The following TNS3 variants were observed in gnomAD, a reference collection of about 807,000 sequenced individuals.
TNS3 encodes tensin 3.
A neutral mutation model predicts 140.9 loss-of-function variants in TNS3; 45 were observed. That is an observed-to-expected ratio of 0.32 (90% CI 0.25 to 0.41). The LOEUF (loss-of-function observed/expected upper bound fraction) is 0.41. TNS3 is among the 10% of genes least tolerant of loss of function. The pLI is 1.00. For missense variants in TNS3, 1,716 were observed against 1,906.7 expected (o/e 0.90, Z 1.86); for synonymous variants, 815 against 788.4 (o/e 1.03, Z -0.56).
chr7:47,567,892 G>A (rs1054618990), intron 1 of TNS3, among the ~76,000 whole-genome samples: 1 of 152,132 alleles, frequency 6.6e-6, no homozygotes, highest in Non-Finnish European at 1.5e-5. Flanking sequence ...AGGTAACATC[G>A]ATCAGTAATA....
At chr7:47,448,024 T>G (rs1348557645) in intron 4 of TNS3, among the ~76,000 whole-genome samples, 1 of 152,158 alleles carries the variant, frequency 6.6e-6, no homozygotes, top group Non-Finnish European at 1.5e-5. Flanking sequence ...CTGGGGGCCC[T>G]GGCAGAAGGA....
Position 47,530,838 on chromosome 7 carries a change from AAT to A in TNS3, c.-264-1693_-264-1692del, listed in dbSNP as rs1554350245. On this transcript the variant is annotated intron_variant, in intron 1 of 30. Coordinates refer to ENST00000311160, the MANE Select transcript of TNS3 (RefSeq NM_022748.12). Reference sequence around the variant, plus strand: ...AACTCCATCTCAAAAAAAAAAAAAAAATATATATATATATATATATTTCTAGC... The same window carrying A: ...AACTCCATCTCAAAAAAAAAAAAAAAATATATATATATATATATTTCTAGC... Among the ~76,000 whole-genome samples the A allele has an allele frequency of 2.6e-3, 141 of 54,550 alleles. 6 individuals are homozygous for A. Among genetic ancestry groups the A allele is most frequent in the East Asian group, 0.011 (23 of 2,034 alleles). 35.8% of individuals were successfully genotyped at this position (54,550 alleles called of 152,430 possible).
chr7:47,511,141 A>C (rs769517529), intron 2 of TNS3, among the ~76,000 whole-genome samples: 2 of 152,238 alleles, frequency 1.3e-5, no homozygotes, highest in Admixed American at 6.5e-5. Context: ...TACTGACACA[A>C]TTTCAGATTC....
At chr7:47,328,145 T>C (rs1788129749) in intron 20 of TNS3, among the ~76,000 whole-genome samples, 1 of 151,910 alleles carries the variant, frequency 6.6e-6, no homozygotes, top group African/African-American at 2.4e-5. Context: ...GGGCTCTGTG[T>C]TCCGGCCTGT....
Position 47,359,273 on chromosome 7 carries a change from C to T in TNS3, c.2281+9092G>A, listed in dbSNP as rs1265483790. On this transcript the variant is annotated intron_variant, in intron 17 of 30. Transcript: ENST00000311160. ...TCCGGCTCGAAAACATCACACACCA[C>T]GTCACAGGAGCCAGCCACAAAAAGC... is the stretch of plus-strand genomic sequence containing the variant. 3.9e-5 allele frequency among the ~76,000 whole-genome samples: 6 copies of T among 152,210 alleles called. No individual in the cohort carries two copies. The East Asian group carries it at 1.2e-3, about 29-fold the overall frequency.
At chr7:47,441,754 G>C (rs144193670) in intron 5 of TNS3, among the ~76,000 whole-genome samples, 4 of 152,300 alleles carry the variant, frequency 2.6e-5, no homozygotes, top group African/African-American at 9.6e-5. Flanking sequence ...GCACAATCAG[G>C]CCTCAGCAGT....
At chr7:47,489,609 G>A (rs1302371654) in intron 3 of TNS3, among the ~76,000 whole-genome samples, 2 of 152,226 alleles carry the variant, frequency 1.3e-5, no homozygotes, top group African/African-American at 4.8e-5. Context: ...AGGCAAACAA[G>A]TTACCACTGG....
chr7:47,393,233 A>G (rs768843777), intron 16 of TNS3, among the ~76,000 whole-genome samples: 1 of 152,246 alleles, frequency 6.6e-6, no homozygotes, highest in Non-Finnish European at 1.5e-5. Flanking sequence ...CTTCTTTTTG[A>G]TAATTTACAT....
At chr7:47,542,745 A>G (rs147779448) in intron 1 of TNS3, among the ~76,000 whole-genome samples, 61 of 152,198 alleles carry the variant, frequency 4.0e-4, no homozygotes, top group African/African-American at 1.3e-3. Flanking sequence ...TCTGGCCAAC[A>G]TAGTGAAAAC....
chr7:47,579,502 G>A (rs1225553043), intron 1 of TNS3: 5 of 152,226 alleles, frequency 3.3e-5, no homozygotes, highest in African/African-American at 1.2e-4. Flanking sequence ...GAGGCACTCA[G>A]CAAATGTCTC....
At chr7:47,397,449 T>C (rs1792900546) in intron 15 of TNS3, among the ~76,000 whole-genome samples, 1 of 152,260 alleles carries the variant, frequency 6.6e-6, no homozygotes, top group Non-Finnish European at 1.5e-5. Context: ...ATCTTGGTGA[T>C]GGATCTGGAC....
At chr7:47,294,318 A>G (rs2150632111) in intron 24 of TNS3, among the ~76,000 whole-genome samples, 1 of 152,338 alleles carries the variant, frequency 6.6e-6, no homozygotes, top group African/African-American at 2.4e-5. Flanking sequence ...ACCTTCCAGA[A>G]AGCAAGCACT....
chr7:47,453,835 C>T (rs1035320042), intron 4 of TNS3, among the ~76,000 whole-genome samples: 3 of 152,090 alleles, frequency 2.0e-5, no homozygotes, highest in African/African-American at 7.2e-5. Flanking sequence ...GCACTCAGAG[C>T]TAAGAGGAAG....
chr7:47,575,040 TA>T (rs199568033), intron 1 of TNS3, among the ~76,000 whole-genome samples: 1 of 151,406 alleles, frequency 6.6e-6, no homozygotes. Context: ...TACCAAAGCT[TA>T]AAAAAAAAGA....
At chr7:47,389,782 A>T (rs942487921) in intron 16 of TNS3, among the ~76,000 whole-genome samples, 1 of 152,222 alleles carries the variant, frequency 6.6e-6, no homozygotes, top group African/African-American at 2.4e-5. Context: ...CACGCCTGCA[A>T]GGGGGTCCTT....
chr7:47,437,347 A>G (rs539674913), intron 6 of TNS3, 34 bp from the exon 7 acceptor site: 3 of 1,080,400 alleles, frequency 2.8e-6, no homozygotes, highest in East Asian at 6.1e-5. Flanking sequence ...CTTGCATAAA[A>G]TAGATTTTAA....
rs374356604 is a variant in TNS3, at chr7:47,303,047, G to A, written c.3360C>T (p.Gly1120=). The A allele has an allele frequency of 3.1e-6, 5 of 1,614,216 alleles. No individual in the cohort carries two copies. The highest frequency in any genetic ancestry group is 2.2e-5 in the East Asian group (1 of 44,878). Residue 1120 remains glycine, a synonymous_variant, in exon 22 of 31, where the codon GGC becomes GGT. Coordinates refer to ENST00000311160, the MANE Select transcript of TNS3 (RefSeq NM_022748.12). ...TGCTCCCGCTGTGCGGGCTGGAGAAGCCACTGGAGGAGGGAGAGACTGAGC... is the reference window on the plus strand; with the variant it reads ...TGCTCCCGCTGTGCGGGCTGGAGAAACCACTGGAGGAGGGAGAGACTGAGC... ...SLGSVSPSSS[G]FSSPHSGSTI... is the part of the protein sequence containing the mutation.
At chr7:47,396,597 C>T in intron 16 of TNS3, 1 of 582,536 alleles carries the variant, frequency 1.7e-6, no homozygotes. Context: ...ACAAAAAGCC[C>T]TGACCCAAAC....
chr7:47,366,734 C>T (rs913414120), intron 17 of TNS3, among the ~76,000 whole-genome samples: 4 of 152,128 alleles, frequency 2.6e-5, no homozygotes, highest in African/African-American at 9.7e-5. Flanking sequence ...CCCATGTGAA[C>T]CTGGGCAGGC....
Sources: allele counts gnomAD v4.1 joint callset (sites outside exome capture counted in the v4.1 genomes callset), GRCh38; gene constraint gnomAD v4.1.1; transcripts MANE v1.5; gene names NCBI Gene and HGNC (gene_info 2026-07-23, HGNC 2026-07-21).